The following NBPF6 variants were observed in gnomAD, a reference collection of about 807,000 sequenced individuals.
NBPF6 encodes the protein NBPF member 6.
In NBPF6, 2 loss-of-function variants were observed where a neutral mutation model predicts 20.8. The ratio of observed to expected loss-of-function variants is 0.10; its 90% CI spans 0.04 to 0.30. The LOEUF (loss-of-function observed/expected upper bound fraction) is 0.30, where lower values mean the gene tolerates loss of function less well. Ranked by LOEUF, NBPF6 falls within the 10% of genes least tolerant of loss-of-function variation. NBPF6 has a pLI of 1.00. For missense variants in NBPF6, 85 were observed against 260.3 expected, an observed-to-expected ratio of 0.33 and a Z score of 4.63; for synonymous variants, 24 against 100.0, an observed-to-expected ratio of 0.24 and a Z score of 4.53.
rs1311543690 is a variant in NBPF6 at position 108,471,217 on chromosome 1, C to A, written c.*579C>A. ...TTTTGAACCCAAAACATCTCCTTAT[C>A]TTTTTGTTGTTGTCATCGATGGTGG... On this transcript the variant is annotated 3_prime_UTR_variant, in exon 15 of 15. Transcript: ENST00000495380. Among the ~76,000 whole-genome samples, 1 of 152,190 alleles carries A rather than the reference C, an allele frequency of 6.6e-6. No homozygotes were observed. The highest frequency in any genetic ancestry group is 2.4e-5 in the African/African-American group (1 of 41,446).
chr1:108,449,415 ACTATATATATATATATATATATATAT>A (rs1358743182), upstream of NBPF6, among the ~76,000 whole-genome samples: 223 of 9,464 alleles, frequency 0.024, 15 homozygotes, highest in African/African-American at 0.026. Context: ...TGTTAGAACA[ACTATATATATATATATATATATATAT>A]ATATATATAT....
At chr1:108,436,076 G>C in the NBPF6 span, among the ~76,000 whole-genome samples, 1 of 90,326 alleles carries the variant, frequency 1.1e-5, no homozygotes, top group Non-Finnish European at 2.7e-5. Context: ...AAAAACTAGA[G>C]AGAAATTCTT....
Position 108,470,788 on chromosome 1 carries a change from T to TTTGATTTGAGAAG in NBPF6, c.*150_*151insTTGATTTGAGAAG. The stretch of plus-strand genomic sequence containing the variant: ...TCTTGATGACTTCAAGCCACTATGC[T>TTTGATTTGAGAAG]CCTTTGATTTGAGAAGCCACATTCC... On this transcript the variant is annotated 3_prime_UTR_variant, in exon 15 of 15. Coordinates refer to ENST00000495380, the MANE Select transcript of NBPF6 (RefSeq NM_001143988.2). 1.9e-6 allele frequency: 1 copy of TTTGATTTGAGAAG among 533,366 alleles called. No individual in the cohort carries two copies. Among genetic ancestry groups the TTTGATTTGAGAAG allele is most frequent in the Non-Finnish European group, 3.4e-6 (1 of 295,480 alleles). The allele number at this position is 533,366 out of a possible 1,614,324, so 33.0% of individuals were successfully genotyped here. A position where few individuals can be genotyped will look rare whatever the true frequency, so the allele number is the denominator to read the frequency against.
intron 14 of NBPF6, among the ~76,000 whole-genome samples, chr1:108,469,838 T>C (rs904157417): frequency 6.6e-6 from 1 of 150,626 alleles, no homozygotes; most frequent in African/African-American, 2.5e-5. Flanking sequence ...TTTTTTATTT[T>C]TTTAACCAAC....
In NBPF6 at chr1:108,470,629, G is replaced by T. The variant is rs1288333383; in HGVS notation, c.1908G>T (p.Met636Ile). The T allele has an allele frequency of 6.4e-7, 1 of 1,558,412 alleles. No individual in the cohort carries two copies. The highest frequency in any genetic ancestry group is 1.9e-5 in the Admixed American group (1 of 51,708). The change falls in exon 15 of 15, where the codon ATG becomes ATT. Residue 636 changes from methionine (M) to isoleucine (I), a missense_variant. By Grantham distance (10) the Met-to-Ile change is conservative. This residue lies in a region of NBPF6 where 31 missense variants were observed against 21.0 expected (regional missense o/e 1.48). Coordinates refer to ENST00000495380, the MANE Select transcript of NBPF6 (RefSeq NM_001143988.2). ...ATACTGCTGAAAGGATGCAAAGGATGATAGGATGAAAGAATGTCACAAAAA... is the reference window on the plus strand; with the variant it reads ...ATACTGCTGAAAGGATGCAAAGGATTATAGGATGAAAGAATGTCACAAAAA... Reference protein sequence around the residue: ...IPNTAERMQRMIG With the variant: ...IPNTAERMQRIIG
chr1:108,469,819 T>C (rs1216531942), intron 14 of NBPF6, among the ~76,000 whole-genome samples: 1 of 150,330 alleles, frequency 6.7e-6, no homozygotes, highest in African/African-American at 2.5e-5. Flanking sequence ...AAACTTATAA[T>C]TATATATATT....
At chr1:108,468,229 A>C (rs1220861287) in intron 14 of NBPF6, among the ~76,000 whole-genome samples, 2 of 150,806 alleles carry the variant, frequency 1.3e-5, no homozygotes, top group Admixed American at 6.6e-5. Flanking sequence ...CACAGGTGGG[A>C]GTTCCCTACT....
chr1:108,452,980 TTGTGTGTGTG>T (rs759252996), intron 3 of NBPF6, among the ~76,000 whole-genome samples, 191 bp from the exon 4 acceptor site: 3 of 47,326 alleles, frequency 6.3e-5, no homozygotes, highest in African/African-American at 2.2e-4. Flanking sequence ...GTATGTTTGT[TTGTGTGTGTG>T]TGTGTGTGTG....
intron 14 of NBPF6, among the ~76,000 whole-genome samples, chr1:108,468,767 G>A (rs2101061355): frequency 1.7e-5 from 1 of 58,868 alleles, no homozygotes; most frequent in Middle Eastern, 6.8e-3. Context: ...AAAATGATGG[G>A]AAATTGGGCT....
the NBPF6 span, among the ~76,000 whole-genome samples, chr1:108,436,752 T>G: frequency 2.2e-5 from 2 of 89,962 alleles, 1 homozygote; most frequent in African/African-American, 6.9e-5. Flanking sequence ...TTTCAACAAA[T>G]GGTAGAGGAT....
intron 14 of NBPF6, among the ~76,000 whole-genome samples, chr1:108,470,060 G>A (rs972830756): frequency 2.5e-5 from 2 of 80,192 alleles, no homozygotes; most frequent in African/African-American, 5.3e-5. Context: ...TCTTACCCCT[G>A]TGGCATCACT....
intron 2 of NBPF6, among the ~76,000 whole-genome samples, chr1:108,451,217 G>C (rs1652822864): frequency 2.0e-5 from 1 of 50,860 alleles, no homozygotes; most frequent in African/African-American, 4.5e-5. Context: ...GAGGACCCTG[G>C]GGGAAACATG....
upstream of NBPF6, among the ~76,000 whole-genome samples, chr1:108,449,440 A>G (rs1311531908): frequency 7.6e-4 from 10 of 13,120 alleles, no homozygotes; most frequent in Admixed American, 3.3e-3. Context: ...ATATATATAT[A>G]TATATATATA....
upstream of NBPF6, among the ~76,000 whole-genome samples, chr1:108,449,434 A>G (rs1316807124): frequency 1.6e-3 from 19 of 11,924 alleles, no homozygotes; most frequent in African/African-American, 2.1e-3. Context: ...ATATATATAT[A>G]TATATATATA....
chr1:108,470,300 ACTCTGCT>A (rs1372905430), intron 14 of NBPF6, among the ~76,000 whole-genome samples: 19 of 123,580 alleles, frequency 1.5e-4, no homozygotes, highest in African/African-American at 6.2e-4. Context: ...AAAAGCCCTC[ACTCTGCT>A]CCAGACAGAG....
In NBPF6 at chr1:108,470,655, G is replaced by T. The variant is rs1653413146; in HGVS notation, c.*17G>T. 6.4e-7 allele frequency: 1 copy of T among 1,554,412 alleles called. No individual in the cohort carries two copies. Among genetic ancestry groups the T allele is most frequent in the Non-Finnish European group, 8.7e-7 (1 of 1,148,774 alleles). On this transcript the variant is annotated 3_prime_UTR_variant, in exon 15 of 15. Transcript: ENST00000495380. Reference sequence around the variant, plus strand: ...ATAGGATGAAAGAATGTCACAAAAAGCAGCTTTTCCACTTGATAAAAACAA... The same window carrying T: ...ATAGGATGAAAGAATGTCACAAAAATCAGCTTTTCCACTTGATAAAAACAA...
At chr1:108,451,652 CT>C (rs1652846052) in intron 2 of NBPF6, among the ~76,000 whole-genome samples, 1 of 95,498 alleles carries the variant, frequency 1.0e-5, no homozygotes, top group East Asian at 3.4e-4. Context: ...TTAATTCAAA[CT>C]TTAGTAGTAT....
At chr1:108,441,749 T>G in the NBPF6 span, among the ~76,000 whole-genome samples, 1 of 53,320 alleles carries the variant, frequency 1.9e-5, no homozygotes, top group Non-Finnish European at 3.8e-5. Context: ...AGAAAAAAGC[T>G]GAAATCCTGG....
rs955348911 is a variant in NBPF6, at chr1:108,471,612, T to C, written c.*974T>C. On this transcript the variant is annotated 3_prime_UTR_variant, in exon 15 of 15. Coordinates refer to ENST00000495380, the MANE Select transcript of NBPF6 (RefSeq NM_001143988.2). ...ATTAATCACCCCTGCCTGTGTCAGT[T>C]ATTATATTTATGTTTTTACATTGGA... Among the ~76,000 whole-genome samples, 1 of 152,228 alleles carries C rather than the reference T, an allele frequency of 6.6e-6. No homozygotes were observed. The highest frequency in any genetic ancestry group is 1.5e-5 in the Non-Finnish European group (1 of 68,044).
Sources: gnomAD v4.1 joint callset for allele counts (sites outside exome capture counted in the v4.1 genomes callset) on GRCh38, gnomAD v4.1.1 for gene constraint, gnomAD v4.1.1 regional missense constraint, MANE v1.5 for transcripts, NCBI Gene and HGNC (gene_info 2026-07-23, HGNC 2026-07-21) for gene names.